Variants in ZNF701 observed in about 807,000 individuals in gnomAD.
The protein encoded by ZNF701 is zinc finger protein 701.
A neutral mutation model predicts 7.1 loss-of-function variants in ZNF701; 6 were observed. That is an observed-to-expected ratio of 0.84 (90% CI 0.46 to 1.66). The LOEUF (loss-of-function observed/expected upper bound fraction) is 1.66. Ranked by LOEUF, ZNF701 falls within the 40% of genes most tolerant of loss-of-function variation. ZNF701 has a pLI of 0.01. For missense variants in ZNF701, 541 were observed against 559.2 expected, an observed-to-expected ratio of 0.97 and a Z score of 0.33; for synonymous variants, 166 against 188.2, an observed-to-expected ratio of 0.88 and a Z score of 0.97.
At chr19:52,582,130 A>T in intron 3 of ZNF701, 72 bp from the exon 4 acceptor site, 1 of 1,304,378 alleles carries the variant, frequency 7.7e-7, no homozygotes, top group Non-Finnish European at 1.0e-6. Flanking sequence ...TTTTTTATGT[A>T]ATATTTACAC....
intron 1 of ZNF701, among the ~76,000 whole-genome samples, chr19:52,571,296 G>A (rs1284423437): frequency 1.3e-5 from 2 of 151,948 alleles, no homozygotes; most frequent in Admixed American, 1.3e-4. Flanking sequence ...AGTGGTGCTG[G>A]TGGCAAGGAG....
Position 52,582,615 on chromosome 19 carries a change from A to C in ZNF701, c.556A>C (p.Thr186Pro), listed in dbSNP as rs2059982835. Reference protein sequence around the residue: ...ASQRISCRPKTRISNKYRNNF... With the variant: ...ASQRISCRPKPRISNKYRNNF... The stretch of plus-strand genomic sequence containing the variant: ...CCAACGAATTTCCTGTAGGCCAAAA[A>C]CTCGTATTTCTAATAAGTATAGGAA... Residue 186 changes from threonine (T) to proline (P), a missense_variant, in exon 4 of 4, where the codon ACT becomes CCT. Transcript: ENST00000391785. The C allele has an allele frequency of 1.9e-6, 3 of 1,614,042 alleles. No individual in the cohort carries two copies. Among genetic ancestry groups the C allele is most frequent in the Non-Finnish European group, 2.5e-6 (3 of 1,180,012 alleles).
At chr19:52,590,786 G>A (rs2060033849), downstream of ZNF701, among the ~76,000 whole-genome samples, 1 of 152,158 alleles carries the variant, frequency 6.6e-6, no homozygotes, top group African/African-American at 2.4e-5. Flanking sequence ...ATTTAAGTGT[G>A]TGTGGGTGTG....
chr19:52,576,402 G>A (rs1213790387), intron 3 of ZNF701, among the ~76,000 whole-genome samples: 2 of 151,998 alleles, frequency 1.3e-5, no homozygotes, highest in African/African-American at 4.8e-5. Context: ...TTAGCCGGGC[G>A]TCGTGGTGCA....
Position 52,583,931 on chromosome 19 carries a change from C to T in ZNF701, c.*474C>T, listed in dbSNP as rs1002043060. On this transcript the variant is annotated 3_prime_UTR_variant, in exon 4 of 4. Transcript: ENST00000391785. ...TCATTCATAACTTGCAGTTCATTGG[C>T]GATCTTATACAGGAGAGAAATCTTA... 2 of 383,322 alleles carry T rather than the reference C, an allele frequency of 5.2e-6. No individual in the cohort carries two copies. Among genetic ancestry groups the T allele is most frequent in the South Asian group, 2.2e-5 (1 of 46,324 alleles). The allele number at this position is 383,322 out of a possible 1,614,324, so 23.7% of individuals were successfully genotyped here. A position where few individuals can be genotyped will look rare whatever the true frequency, so the allele number is the denominator to read the frequency against.
chr19:52,581,021 G>A (rs977282136), intron 3 of ZNF701, among the ~76,000 whole-genome samples: 1 of 151,966 alleles, frequency 6.6e-6, no homozygotes, highest in African/African-American at 2.4e-5. Context: ...CTACTCAGGA[G>A]GCTGAGCAAA....
the ZNF701 span, chr19:52,595,988 T>A: frequency 3.1e-6 from 5 of 1,601,556 alleles, no homozygotes; most frequent in Non-Finnish European, 4.3e-6. Context: ...CAATGATGCT[T>A]CCTCAGCTTC....
intron 3 of ZNF701, among the ~76,000 whole-genome samples, chr19:52,577,070 T>C (rs967035931): frequency 1.3e-5 from 2 of 152,186 alleles, no homozygotes; most frequent in African/African-American, 4.8e-5. Context: ...CATCTTTCTT[T>C]GCCCCCACTT....
rs867430381 is a variant in ZNF701, at chr19:52,582,238, C to G, written c.179C>G (p.Ser60Ter). 1.3e-6 allele frequency: 2 copies of G among 1,590,096 alleles called. No individual in the cohort carries two copies. The highest frequency in any genetic ancestry group is 1.8e-5 in the Admixed American group (1 of 55,442). Residue 60 changes from serine to a stop codon, truncating the protein, a stop_gained, in exon 4 of 4, where the codon TCA becomes TGA. Coordinates refer to ENST00000391785, the MANE Select transcript of ZNF701 (RefSeq NM_018260.3). LOFTEE classifies it low-confidence loss of function (END_TRUNC). ...SSKCMMKMFS[S>*]TGQGNTEVVH... Reference sequence around the variant, plus strand: ...AAATGCATGATGAAGATGTTCTCATCAACAGGACAAGGCAATACAGAAGTG... The same window carrying G: ...AAATGCATGATGAAGATGTTCTCATGAACAGGACAAGGCAATACAGAAGTG...
At chr19:52,597,339 T>C in the ZNF701 span, 1 of 540,724 alleles carries the variant, frequency 1.8e-6, no homozygotes. Context: ...ACAGAAATCT[T>C]ACAAATGTCT....
Position 52,582,712 on chromosome 19 carries a change from A to G in ZNF701, c.653A>G (p.Asn218Ser). 6.2e-7 allele frequency: 1 copy of G among 1,614,218 alleles called. No individual in the cohort carries two copies. The highest frequency in any genetic ancestry group is 8.5e-7 in the Non-Finnish European group (1 of 1,180,038). Residue 218 changes from asparagine to serine, a missense_variant, in exon 4 of 4, where the codon AAT (asparagine) becomes AGT (serine). Transcript: ENST00000391785. Reference sequence around the variant, plus strand: ...ACAAGAGAAAAATCTTTCCAACGTAATGAGAGTGGCAAAGCCTTTAATGGT... The same window carrying G: ...ACAAGAGAAAAATCTTTCCAACGTAGTGAGAGTGGCAAAGCCTTTAATGGT... Reference protein sequence around the residue: ...VHTREKSFQRNESGKAFNGSS... With the variant: ...VHTREKSFQRSESGKAFNGSS...
At chr19:52,596,041 T>A in the ZNF701 span, 1 of 1,433,636 alleles carries the variant, frequency 7.0e-7, no homozygotes, top group Non-Finnish European at 9.8e-7. Context: ...ATATTTCTAT[T>A]AAGTATGGGA....
At chr19:52,581,780 T>C (rs918342975) in intron 3 of ZNF701, among the ~76,000 whole-genome samples, 1 of 152,246 alleles carries the variant, frequency 6.6e-6, no homozygotes. Context: ...TTGTTGTGGA[T>C]TATTTACCAA....
chr19:52,589,193 C>G (rs2060027047), downstream of ZNF701, among the ~76,000 whole-genome samples: 1 of 152,214 alleles, frequency 6.6e-6, no homozygotes. Context: ...ATTTCTCACT[C>G]TTTTAAGCAA....
At chr19:52,576,898 A>G (rs1600075139) in intron 3 of ZNF701, among the ~76,000 whole-genome samples, 1 of 152,290 alleles carries the variant, frequency 6.6e-6, no homozygotes, top group Admixed American at 6.5e-5. Flanking sequence ...GAAAATATCA[A>G]AAAACTCCAG....
chr19:52,588,684 G>T (rs1568510067), downstream of ZNF701: 2 of 288,324 alleles, frequency 6.9e-6, no homozygotes. Context: ...GTGGTAGCCA[G>T]TCTTCTGTGA....
chr19:52,583,589 A>G lies in ZNF701; in HGVS notation c.*132A>G, dbSNP rs3745103. 43 of 1,418,456 alleles carry G rather than the reference A, an allele frequency of 3.0e-5. No homozygotes were observed. In the East Asian group the frequency reaches 9.6e-4, roughly 32 times the overall value. 87.9% of individuals were successfully genotyped at this position (1,418,456 alleles called of 1,614,324 possible). On this transcript the variant is annotated 3_prime_UTR_variant, in exon 4 of 4. Transcript: ENST00000391785. ...TCAATTTCAAATCACTCCTTGAAAT[A>G]CATAGGAGAGTTCATACTGGAGAGA...
the ZNF701 span, among the ~76,000 whole-genome samples, chr19:52,593,391 G>A: frequency 1.8e-5 from 2 of 112,790 alleles, 1 homozygote; most frequent in African/African-American, 6.8e-5. Context: ...CGGATGGGGC[G>A]GCTGGCCTGG....
chr19:52,595,915 T>C, the ZNF701 span: 20 of 1,613,120 alleles, frequency 1.2e-5, no homozygotes, highest in Non-Finnish European at 1.7e-5. Context: ...TTCATTCGCA[T>C]CTGCCTGAAC....
Sources: gnomAD v4.1 joint callset for allele counts (sites outside exome capture counted in the v4.1 genomes callset) on GRCh38, gnomAD v4.1.1 for gene constraint, MANE v1.5 for transcripts, NCBI Gene and HGNC (gene_info 2026-07-23, HGNC 2026-07-21) for gene names.